Variants in PTPRN2 observed in about 807,000 individuals in gnomAD.
PTPRN2 encodes receptor-type tyrosine-protein phosphatase N2.
In PTPRN2, 74 loss-of-function variants were observed where a neutral mutation model predicts 118.8. That is an observed-to-expected ratio of 0.62 (90% CI 0.52 to 0.76). PTPRN2 has a LOEUF of 0.76. Ranked by LOEUF, PTPRN2 falls within the 30% of genes least tolerant of loss-of-function variation. The pLI is 0.00. For synonymous variants in PTPRN2, 641 were observed against 608.0 expected (o/e 1.05, Z -0.80); for missense variants, 1,481 against 1,394.4 (o/e 1.06, Z -0.99).
At position 157,916,450 on chromosome 7, in the gene PTPRN2, A is replaced by G. The variant is rs548644830; in HGVS notation, c.1724-17713T>C. ...CTCCTCATGGACTGTGAAGGGGTGC[A>G]TGTTTTAACACAACAAACTGCTCTC... is the stretch of plus-strand genomic sequence containing the variant. On this transcript the variant is annotated intron_variant, in intron 11 of 22. Coordinates refer to ENST00000389418, the MANE Select transcript of PTPRN2 (RefSeq NM_002847.5). Among the ~76,000 whole-genome samples, 5 of 152,342 alleles carry G rather than the reference A, an allele frequency of 3.3e-5. No homozygotes were observed. The South Asian group carries it at 1.0e-3, about 32-fold the overall frequency.
At chr7:157,921,375 C>A (rs917876689) in intron 11 of PTPRN2, among the ~76,000 whole-genome samples, 1 of 152,168 alleles carries the variant, frequency 6.6e-6, no homozygotes. Context: ...ACAGGGAAAC[C>A]ACTCTGTTTG....
chr7:158,040,736 C>CTTCTT (rs1554519628), intron 11 of PTPRN2, among the ~76,000 whole-genome samples: 24 of 142,206 alleles, frequency 1.7e-4, no homozygotes, highest in Non-Finnish European at 4.6e-5. Flanking sequence ...TTTTTTCTTT[C>CTTCTT]TTTTTTTTTT....
At chr7:157,679,665 C>A (rs990706616) in intron 13 of PTPRN2, among the ~76,000 whole-genome samples, 1 of 152,194 alleles carries the variant, frequency 6.6e-6, no homozygotes, top group Non-Finnish European at 1.5e-5. Context: ...CAACGTGGGC[C>A]CCCTGTGGTC....
chr7:157,563,955 G>A lies in PTPRN2; in HGVS notation c.2902+4947C>T, dbSNP rs141691519. Among the ~76,000 whole-genome samples the A allele has an allele frequency of 2.6e-3, 398 of 152,354 alleles. 2 individuals carry two copies. Among genetic ancestry groups the A allele is most frequent in the African/African-American group, 9.1e-3 (377 of 41,576 alleles). On this transcript the variant is annotated intron_variant, in intron 21 of 22. Coordinates refer to ENST00000389418, the MANE Select transcript of PTPRN2 (RefSeq NM_002847.5). ...CATGCTCCCGCACACGCTCGAGGCA[G>A]CAGGCTCTCTGCTCCATGGCCCCTC...
rs77440998 is a variant in PTPRN2 at position 158,112,149 on chromosome 7, C to G, written c.1557-1234G>C. ...GGACAGGGAGAAGATGGATTTCCCA[C>G]TTTGGAAGTGTGCGCCAGCAGCCCA... On this transcript the variant is annotated intron_variant, in intron 9 of 22. Coordinates refer to ENST00000389418, the MANE Select transcript of PTPRN2 (RefSeq NM_002847.5). Among the ~76,000 whole-genome samples, 775 of 152,290 alleles carry G rather than the reference C, an allele frequency of 5.1e-3. 26 individuals are homozygous for G. In the East Asian group the frequency reaches 0.099, roughly 19 times the overall value.
chr7:158,350,934 C>T (rs1453867161), intron 2 of PTPRN2, among the ~76,000 whole-genome samples: 1 of 152,186 alleles, frequency 6.6e-6, no homozygotes, highest in Non-Finnish European at 1.5e-5. Flanking sequence ...ATTCTCTCCC[C>T]CAGCGTTTCC....
In PTPRN2 at chr7:158,071,361, G is replaced by T. The variant is rs992481707; in HGVS notation, c.1723+9937C>A. On this transcript the variant is annotated intron_variant, in intron 11 of 22. Transcript: ENST00000389418. ...GGTGGAGGTGCTCGTGGTGGTGGAG[G>T]TGCTCATGGTGGTGGAGGTGCTCGT... Among the ~76,000 whole-genome samples, 70 of 107,038 alleles carry T rather than the reference G, an allele frequency of 6.5e-4. 1 individual carries two copies. Among genetic ancestry groups the T allele is most frequent in the East Asian group, 6.7e-4 (2 of 2,984 alleles). The allele number at this position is 107,038 out of a possible 152,430, so 70.2% of individuals were successfully genotyped here.
intron 2 of PTPRN2, among the ~76,000 whole-genome samples, chr7:158,327,075 AC>A (rs1303011622): frequency 4.0e-5 from 6 of 151,720 alleles, no homozygotes; most frequent in Middle Eastern, 7.0e-3. Context: ...ATACATGCAC[AC>A]ATTCTCACAT....
At chr7:158,531,942 A>C (rs555056606) in intron 1 of PTPRN2, among the ~76,000 whole-genome samples, 4 of 152,328 alleles carry the variant, frequency 2.6e-5, no homozygotes, top group African/African-American at 9.6e-5. Flanking sequence ...AAGCCCAGGC[A>C]TTTGGGGTTT....
At chr7:157,886,473 T>C (rs1241368019) in intron 12 of PTPRN2, among the ~76,000 whole-genome samples, 2 of 152,138 alleles carry the variant, frequency 1.3e-5, no homozygotes, top group African/African-American at 2.4e-5. Context: ...AAAAATTGAA[T>C]GTGTTGCTAT....
At chr7:158,352,376 C>T (rs1339792714) in intron 2 of PTPRN2, among the ~76,000 whole-genome samples, 1 of 151,308 alleles carries the variant, frequency 6.6e-6, no homozygotes, top group Non-Finnish European at 1.5e-5. Flanking sequence ...CACTCCCCTC[C>T]CTGGCCAGCT....
chr7:158,214,991 A>G (rs1827859591), intron 3 of PTPRN2, among the ~76,000 whole-genome samples: 1 of 152,250 alleles, frequency 6.6e-6, no homozygotes, highest in South Asian at 2.1e-4. Flanking sequence ...TACAAAGAAC[A>G]AAGAAGATCA....
At chr7:158,468,151 G>A (rs1819526117) in intron 2 of PTPRN2, among the ~76,000 whole-genome samples, 1 of 152,054 alleles carries the variant, frequency 6.6e-6, no homozygotes, top group Non-Finnish European at 1.5e-5. Context: ...ATTAGACTAG[G>A]GTTATTTACC....
intron 1 of PTPRN2, among the ~76,000 whole-genome samples, chr7:158,571,361 C>T (rs1023032345): frequency 1.3e-5 from 2 of 151,666 alleles, no homozygotes; most frequent in Non-Finnish European, 2.9e-5. Flanking sequence ...GCCTGTAATC[C>T]CAGCTACTTG....
intron 12 of PTPRN2, among the ~76,000 whole-genome samples, chr7:157,897,587 C>T (rs1185239843): frequency 6.6e-6 from 1 of 152,250 alleles, no homozygotes; most frequent in Non-Finnish European, 1.5e-5. Context: ...CTGCTCTCCT[C>T]TCCCACACCC....
chr7:157,546,804 G>C (rs953441287), intron 22 of PTPRN2, among the ~76,000 whole-genome samples: 1 of 152,220 alleles, frequency 6.6e-6, no homozygotes, highest in Non-Finnish European at 1.5e-5. Context: ...GAGTCCCAAA[G>C]CACCTCACTT....
At chr7:157,704,563 C>T (rs1008170590) in intron 12 of PTPRN2, among the ~76,000 whole-genome samples, 3 of 152,200 alleles carry the variant, frequency 2.0e-5, no homozygotes, top group Non-Finnish European at 2.9e-5. Flanking sequence ...ATGCTGCTCC[C>T]GCTCTCCTGG....
chr7:158,303,487 A>G (rs994920820), intron 3 of PTPRN2, among the ~76,000 whole-genome samples: 2 of 152,258 alleles, frequency 1.3e-5, no homozygotes, highest in African/African-American at 4.8e-5. Flanking sequence ...CCATTATTCT[A>G]TGAAAATTTT....
chr7:158,156,183 C>G (rs1204304923), intron 6 of PTPRN2, among the ~76,000 whole-genome samples: 2 of 152,254 alleles, frequency 1.3e-5, no homozygotes, highest in South Asian at 2.1e-4. Flanking sequence ...CAATATTTTG[C>G]ACTCACAGGG....
Sources: allele counts gnomAD v4.1 joint callset (sites outside exome capture counted in the v4.1 genomes callset), GRCh38; gene constraint gnomAD v4.1.1; transcripts MANE v1.5; gene names NCBI Gene and HGNC (gene_info 2026-07-23, HGNC 2026-07-21).